The following TMPRSS11B variants were observed in gnomAD, a reference collection of about 807,000 sequenced individuals.
TMPRSS11B encodes transmembrane protease serine 11B.
A neutral mutation model predicts 44.7 loss-of-function variants in TMPRSS11B; 53 were observed. The ratio of observed to expected loss-of-function variants is 1.19; its 90% CI spans 0.95 to 1.49. TMPRSS11B has a LOEUF of 1.49. Ranked by LOEUF, TMPRSS11B falls within the 40% of genes most tolerant of loss-of-function variation. The pLI is 0.00. For synonymous variants in TMPRSS11B, 140 were observed against 159.2 expected (o/e 0.88, Z 0.91); for missense variants, 526 against 494.8 (o/e 1.06, Z -0.60).
chr4:68,237,888 G>T, intron 2 of TMPRSS11B, among the ~76,000 whole-genome samples: 1 of 152,198 alleles, frequency 6.6e-6, no homozygotes, highest in East Asian at 1.9e-4. Flanking sequence ...ATGGTGGCAC[G>T]TGCCTGTAGT....
At chr4:68,232,268 A>G in intron 6 of TMPRSS11B, 110 bp downstream of exon 6, 2 of 999,404 alleles carry the variant, frequency 2.0e-6, no homozygotes, top group East Asian at 5.1e-5. Context: ...TAATTCGGAA[A>G]GCGTGTTATG....
At chr4:68,242,325 A>ATTATATATATATTATATATGTAATAT (rs1560445619) in intron 1 of TMPRSS11B, among the ~76,000 whole-genome samples, 6 of 64,326 alleles carry the variant, frequency 9.3e-5, no homozygotes, top group African/African-American at 4.8e-4. Context: ...TTATATATAT[A>ATTATATATATATTATATATGTAATAT]ATATTATATT....
chr4:68,231,193 T>G lies in TMPRSS11B; in HGVS notation c.686+10A>C. On this transcript the variant is annotated intron_variant, in intron 7 of 9. Coordinates refer to ENST00000332644, the MANE Select transcript of TMPRSS11B (RefSeq NM_182502.3). ...TAGCATCCTTCATTTAGTCAAATTT[T>G]CAAACTTACTTAGCAAAGCAGTGAG... 1 of 1,595,048 alleles carries G rather than the reference T, an allele frequency of 6.3e-7. No homozygotes were observed. Among genetic ancestry groups the G allele is most frequent in the South Asian group, 1.1e-5 (1 of 88,544 alleles).
rs760744715 is a variant in TMPRSS11B, at chr4:68,234,446, G to A, written c.469+17C>T. On this transcript the variant is annotated intron_variant, in intron 5 of 9. Coordinates refer to ENST00000332644, the MANE Select transcript of TMPRSS11B (RefSeq NM_182502.3). ...AAAAACCTATGTAATAGAAAATAATGGAAATAAGTCAAATACCCATGAGTT... is the reference window on the plus strand; with the variant it reads ...AAAAACCTATGTAATAGAAAATAATAGAAATAAGTCAAATACCCATGAGTT... 1.4e-5 allele frequency: 23 copies of A among 1,597,500 alleles called. 1 individual carries two copies. In the South Asian group the frequency reaches 2.5e-4, roughly 17 times the overall value.
intron 7 of TMPRSS11B, among the ~76,000 whole-genome samples, 178 bp downstream of exon 7, chr4:68,231,025 C>CT (rs1719495437): frequency 3.3e-5 from 1 of 30,296 alleles, no homozygotes; most frequent in Non-Finnish European, 6.0e-5. Flanking sequence ...TCTCCTTTCT[C>CT]TAATTTAAAT....
chr4:68,230,574 C>G (rs960943764), intron 7 of TMPRSS11B, among the ~76,000 whole-genome samples: 1 of 151,454 alleles, frequency 6.6e-6, no homozygotes, highest in East Asian at 1.9e-4. Flanking sequence ...GAGGCTGAGG[C>G]AGGCGGATCA....
In TMPRSS11B at chr4:68,242,374, TTA is replaced by T. The variant is rs1372818450; in HGVS notation, c.9-572_9-571del. On this transcript the variant is annotated intron_variant, in intron 1 of 9. Transcript: ENST00000332644. ...ATATAATATTATATTATATATAATA[TTA>T]TATATATAATATATAATATATTATG... Among the ~76,000 whole-genome samples the T allele has an allele frequency of 6.7e-3, 430 of 64,344 alleles. 10 individuals are homozygous for T. Among genetic ancestry groups the T allele is most frequent in the African/African-American group, 0.022 (349 of 15,670 alleles). 42.2% of individuals were successfully genotyped at this position (64,344 alleles called of 152,430 possible).
chr4:68,233,717 T>A (rs1288823902), intron 5 of TMPRSS11B, among the ~76,000 whole-genome samples: 1 of 152,134 alleles, frequency 6.6e-6, no homozygotes, highest in Non-Finnish European at 1.5e-5. Flanking sequence ...AGACAATTTT[T>A]TTCTTTAAAA....
At chr4:68,239,287 CTCTA>C (rs1287788940) in intron 2 of TMPRSS11B, among the ~76,000 whole-genome samples, 34 of 152,298 alleles carry the variant, frequency 2.2e-4, no homozygotes, top group Admixed American at 2.0e-3. Flanking sequence ...CTCTCTCGCA[CTCTA>C]TCTCTCTCGC....
chr4:68,228,651 A>C, intron 9 of TMPRSS11B, 91 bp downstream of exon 9: 1 of 1,270,418 alleles, frequency 7.9e-7, no homozygotes. Context: ...CTACTATGTC[A>C]GTATTATTAA....
rs182791693 is a variant in TMPRSS11B at position 68,242,556 on chromosome 4, T to A, written c.9-752A>T. ...TGCATTTTCTAATTTTTCTTTTTTTTAATTTTCTTTCTTTCTTTCTTTCTT... is the reference window on the plus strand; with the variant it reads ...TGCATTTTCTAATTTTTCTTTTTTTAAATTTTCTTTCTTTCTTTCTTTCTT... On this transcript the variant is annotated intron_variant, in intron 1 of 9. Coordinates refer to ENST00000332644, the MANE Select transcript of TMPRSS11B (RefSeq NM_182502.3). Among the ~76,000 whole-genome samples the A allele has an allele frequency of 2.7e-3, 401 of 147,834 alleles. 1 individual carries two copies. The highest frequency in any genetic ancestry group is 9.7e-3 in the African/African-American group (384 of 39,592).
chr4:68,242,225 TTATATTATA>T (rs1715890476), intron 1 of TMPRSS11B, among the ~76,000 whole-genome samples: 2 of 82,420 alleles, frequency 2.4e-5, no homozygotes, highest in African/African-American at 1.4e-4. Flanking sequence ...TAATATTATA[TTATATTATA>T]TATATTATAT....
rs1424734680 is a variant in TMPRSS11B at position 68,241,717 on chromosome 4, A to C, written c.96T>G (p.Ile32Met). The change falls in exon 2 of 10, where the codon ATT becomes ATG. Residue 32 changes from isoleucine (I) to methionine (M), a missense_variant. Ile to Met is a conservative substitution (Grantham distance 10). Transcript: ENST00000332644. ...CTGCCAGAAAATGAACAAGAAGACC[A>C]ATGGTTACTCCCAAGATTGCCGCCA... is the stretch of plus-strand genomic sequence containing the variant. ...LGVAAILGVT[I>M]GLLVHFLAVE... 12 of 1,612,874 alleles carry C rather than the reference A, an allele frequency of 7.4e-6. No homozygotes were observed. The highest frequency in any genetic ancestry group is 2.2e-5 in the East Asian group (1 of 44,844).
intron 2 of TMPRSS11B, among the ~76,000 whole-genome samples, chr4:68,241,289 G>A (rs1046811081): frequency 6.6e-6 from 1 of 152,046 alleles, no homozygotes; most frequent in Non-Finnish European, 1.5e-5. Context: ...AGAGTTATTT[G>A]CAGATTTTTC....
At chr4:68,238,449 T>C (rs1037701332) in intron 2 of TMPRSS11B, among the ~76,000 whole-genome samples, 1 of 151,556 alleles carries the variant, frequency 6.6e-6, no homozygotes, top group Non-Finnish European at 1.5e-5. Flanking sequence ...TGCAGCCTGG[T>C]GCGGTGGCTC....
At chr4:68,242,188 TAAATACATA>T (rs1311074219) in intron 1 of TMPRSS11B, among the ~76,000 whole-genome samples, 14 of 97,342 alleles carry the variant, frequency 1.4e-4, no homozygotes, top group African/African-American at 5.5e-4. Context: ...TAGACACAAT[TAAATACATA>T]ATATAATATA....
intron 6 of TMPRSS11B, among the ~76,000 whole-genome samples, chr4:68,231,641 T>C (rs1204122042): frequency 6.6e-6 from 1 of 152,202 alleles, no homozygotes; most frequent in Non-Finnish European, 1.5e-5. Context: ...CTCTTGTCTC[T>C]CTAAGCAGAT....
chr4:68,236,072 G>T lies in TMPRSS11B; in HGVS notation c.241-3C>A. 6.3e-7 allele frequency: 1 copy of T among 1,587,228 alleles called. No individual in the cohort carries two copies. Among genetic ancestry groups the T allele is most frequent in the South Asian group, 1.2e-5 (1 of 84,972 alleles). Reference sequence around the variant, plus strand: ...GAATTTTGAAATGCATTTAACATCTGACAAGAGAAAAAAAACAGTCATCAT... The same window carrying T: ...GAATTTTGAAATGCATTTAACATCTTACAAGAGAAAAAAAACAGTCATCAT... On this transcript the variant is annotated splice_polypyrimidine_tract_variant and splice_region_variant and intron_variant, in intron 3 of 9. Transcript: ENST00000332644.
rs144760453 is a variant in TMPRSS11B, at chr4:68,235,322, T to C, written c.308+680A>G. ...TTCTAGGGTCTTTGAAGGTTTTTGT[T>C]TGTCTGTAGGTAAGTAGGTTGGTTA... On this transcript the variant is annotated intron_variant, in intron 4 of 9. Coordinates refer to ENST00000332644, the MANE Select transcript of TMPRSS11B (RefSeq NM_182502.3). Among the ~76,000 whole-genome samples the C allele has an allele frequency of 5.3e-3, 803 of 152,306 alleles. 4 individuals are homozygous for C. The highest frequency in any genetic ancestry group is 9.6e-3 in the Non-Finnish European group (656 of 68,008).
Sources: gnomAD v4.1 joint callset for allele counts (sites outside exome capture counted in the v4.1 genomes callset) on GRCh38, gnomAD v4.1.1 for gene constraint, MANE v1.5 for transcripts, NCBI Gene and HGNC (gene_info 2026-07-23, HGNC 2026-07-21) for gene names.